Variants in LRBA observed in about 807,000 individuals in gnomAD.
LRBA encodes LPS responsive beige-like anchor protein.
LRBA carries 176 observed loss-of-function variants against 330.0 expected under a neutral mutation model. That is an observed-to-expected ratio of 0.53 (90% CI 0.47 to 0.60). The LOEUF (loss-of-function observed/expected upper bound fraction) is 0.60. Among genes scored for constraint, LRBA ranks in the 20% least tolerant of loss-of-function variants. The pLI is 0.00. For synonymous variants in LRBA, 1,230 were observed against 1,193.0 expected (o/e 1.03, Z -0.64); for missense variants, 3,259 against 3,444.8 (o/e 0.95, Z 1.35).
At chr4:150,548,128 T>C (rs1460524503) in intron 40 of LRBA, among the ~76,000 whole-genome samples, 3 of 152,182 alleles carry the variant, frequency 2.0e-5, no homozygotes, top group African/African-American at 7.2e-5. Context: ...ACTGCCATAA[T>C]ACAAACATTT....
intron 36 of LRBA, among the ~76,000 whole-genome samples, chr4:150,701,904 A>T (rs543823266): frequency 1.1e-4 from 17 of 152,314 alleles, no homozygotes; most frequent in African/African-American, 3.4e-4. Flanking sequence ...ACTGAGGCAG[A>T]ACCATCCTGG....
chr4:150,567,321 G>A (rs1769262519), intron 40 of LRBA, among the ~76,000 whole-genome samples: 1 of 152,036 alleles, frequency 6.6e-6, no homozygotes, highest in Admixed American at 6.6e-5. Flanking sequence ...TGGGAAAAAG[G>A]AAAGCTTTGG....
chr4:150,310,220 G>A lies in LRBA; in HGVS notation c.7849+9C>T, dbSNP rs986536755. On this transcript the variant is annotated intron_variant, in intron 52 of 56. Coordinates refer to ENST00000651943, the MANE Select transcript of LRBA (RefSeq NM_001364905.1). ...ACTTTAGTTCACTGATAAAGAAAAT[G>A]AAAATTACCTGTGTCTGTAGAATAG... 1.3e-5 allele frequency: 21 copies of A among 1,599,704 alleles called. No homozygotes were observed. In the East Asian group the frequency reaches 2.2e-4, roughly 17 times the overall value.
intron 40 of LRBA, among the ~76,000 whole-genome samples, chr4:150,516,233 T>TGCTAAG (rs1762346093): frequency 7.5e-6 from 1 of 133,380 alleles, no homozygotes; most frequent in Non-Finnish European, 1.6e-5. Context: ...TTTTTTTTTT[T>TGCTAAG]TTTTTTTTTT....
chr4:150,449,476 A>G (rs990032531), intron 44 of LRBA, among the ~76,000 whole-genome samples: 2 of 151,028 alleles, frequency 1.3e-5, no homozygotes. Flanking sequence ...TATCCACCCC[A>G]CAACAAGCCT....
At chr4:150,883,622 T>C (rs1350638839) in intron 17 of LRBA, among the ~76,000 whole-genome samples, 1 of 152,220 alleles carries the variant, frequency 6.6e-6, no homozygotes, top group African/African-American at 2.4e-5. Flanking sequence ...ATTTAAAAAA[T>C]GTAAATACTG....
intron 47 of LRBA, among the ~76,000 whole-genome samples, chr4:150,380,384 G>A: frequency 6.6e-6 from 1 of 152,122 alleles, no homozygotes; most frequent in Non-Finnish European, 1.5e-5. Context: ...TTGAAATAAA[G>A]CAAATTTAAA....
At chr4:150,685,887 G>C in intron 36 of LRBA, among the ~76,000 whole-genome samples, 1 of 152,040 alleles carries the variant, frequency 6.6e-6, no homozygotes. Context: ...CAATTTCAGG[G>C]AGGGACAAAG....
intron 2 of LRBA, among the ~76,000 whole-genome samples, chr4:150,931,408 A>G (rs923031914): frequency 6.6e-6 from 1 of 150,442 alleles, no homozygotes; most frequent in Non-Finnish European, 1.5e-5. Context: ...TTACATATCT[A>G]TATTTATATA....
intron 36 of LRBA, among the ~76,000 whole-genome samples, chr4:150,685,192 T>A (rs989709148): frequency 6.6e-6 from 1 of 151,204 alleles, no homozygotes; most frequent in African/African-American, 2.4e-5. Context: ...TCCAGAATCA[T>A]GAACTTCCAG....
At chr4:150,274,576 G>GAATC (rs1746518785) in intron 56 of LRBA, among the ~76,000 whole-genome samples, 1 of 151,928 alleles carries the variant, frequency 6.6e-6, no homozygotes, top group African/African-American at 2.4e-5. Context: ...AAAGAGAGAA[G>GAATC]AATCAAATAT....
At chr4:150,903,254 G>A (rs72719679) in intron 13 of LRBA, among the ~76,000 whole-genome samples, 175 of 152,116 alleles carry the variant, frequency 1.2e-3, no homozygotes, top group Non-Finnish European at 1.7e-3. Flanking sequence ...GAATGGTGGC[G>A]CACACCTGCA....
intron 28 of LRBA, among the ~76,000 whole-genome samples, chr4:150,834,680 A>C (rs569306248): frequency 1.3e-5 from 2 of 152,268 alleles, no homozygotes; most frequent in African/African-American, 4.8e-5. Context: ...TCAGAATGAT[A>C]ATTGTGCATT....
chr4:150,444,666 T>C (rs1019773153), intron 44 of LRBA, among the ~76,000 whole-genome samples: 3 of 152,226 alleles, frequency 2.0e-5, no homozygotes, highest in African/African-American at 7.2e-5. Flanking sequence ...TAAGCACTTT[T>C]GTTGTCAAGT....
At chr4:150,613,205 C>T (rs927274535) in intron 37 of LRBA, among the ~76,000 whole-genome samples, 2 of 152,084 alleles carry the variant, frequency 1.3e-5, no homozygotes, top group African/African-American at 4.8e-5. Context: ...ACAGGAGATT[C>T]GGTCATTTGG....
intron 48 of LRBA, among the ~76,000 whole-genome samples, chr4:150,336,057 C>T (rs1228328601): frequency 4.6e-5 from 7 of 152,152 alleles, no homozygotes; most frequent in Non-Finnish European, 8.8e-5. Flanking sequence ...GCAAGAAATA[C>T]ATATATTTTT....
chr4:150,579,778 G>A (rs1181565094), intron 40 of LRBA: 3 of 453,802 alleles, frequency 6.6e-6, no homozygotes, highest in Non-Finnish European at 1.3e-5. Context: ...GCGGAGCCAT[G>A]CGAACCAACT....
rs759579204 is a variant in LRBA at position 150,844,748 on chromosome 4, C to A, written c.4371G>T (p.Glu1457Asp). The A allele has an allele frequency of 4.3e-6, 7 of 1,613,194 alleles. No homozygotes were observed. The highest frequency in any genetic ancestry group is 5.9e-6 in the Non-Finnish European group (7 of 1,179,294). ...VCAVAVRNCL[E>D]CQQHSQLKTR... is the part of the protein sequence containing the mutation. ...TTTTCAGTTGTGAATGCTGTTGACA[C>A]TCCAAGCAATTCCTTACTGCGACTG... Residue 1457 changes from glutamate (E) to aspartate (D), a missense_variant, in exon 27 of 57, where the codon GAG becomes GAT. Physicochemically the swap from Glu to Asp is conservative, Grantham distance 45. Transcript: ENST00000651943.
At chr4:150,745,557 C>T (rs975165073) in intron 35 of LRBA, among the ~76,000 whole-genome samples, 4 of 151,946 alleles carry the variant, frequency 2.6e-5, no homozygotes, top group Non-Finnish European at 5.9e-5. Context: ...ACTCTGTCGC[C>T]CAGGCTGGAG....
Sources: gnomAD v4.1 joint callset for allele counts (sites outside exome capture counted in the v4.1 genomes callset) on GRCh38, gnomAD v4.1.1 for gene constraint, MANE v1.5 for transcripts, NCBI Gene and HGNC (gene_info 2026-07-23, HGNC 2026-07-21) for gene names.